The following TG variants were observed in gnomAD, a reference collection of about 807,000 sequenced individuals.
TG encodes thyroglobulin.
TG carries 270 observed loss-of-function variants against 324.7 expected under a neutral mutation model. The ratio of observed to expected loss-of-function variants is 0.83; its 90% CI spans 0.75 to 0.92. The LOEUF (loss-of-function observed/expected upper bound fraction) is 0.92, where lower values mean the gene tolerates loss of function less well. TG is among the 40% of genes least tolerant of loss of function. The probability of loss-of-function intolerance (pLI) is 0.00; values close to 1 mark genes in which losing one functional copy is unlikely to be tolerated. For missense variants in TG, 3,591 were observed against 3,456.4 expected, an observed-to-expected ratio of 1.04 and a Z score of -0.98; for synonymous variants, 1,401 against 1,327.0, an observed-to-expected ratio of 1.06 and a Z score of -1.21.
chr8:132,909,442 G>C (rs1278160665), intron 18 of TG, among the ~76,000 whole-genome samples: 8 of 152,164 alleles, frequency 5.3e-5, no homozygotes, highest in African/African-American at 1.4e-4. Context: ...GAATCCAGGG[G>C]ACTAGAGAGC....
At chr8:133,049,315 TG>T (rs1840004465) in intron 41 of TG, 5 of 372,900 alleles carry the variant, frequency 1.3e-5, no homozygotes, top group Non-Finnish European at 2.1e-5. Flanking sequence ...TGTGTGTTTC[TG>T]GATAGGTATT....
chr8:132,892,983 TTGTG>T (rs1272382126), intron 10 of TG, among the ~76,000 whole-genome samples: 1 of 144,790 alleles, frequency 6.9e-6, no homozygotes, highest in African/African-American at 2.6e-5. Context: ...ATGTGTGTGG[TTGTG>T]TGTATGGTGT....
Position 132,966,454 on chromosome 8 carries a change from CTG to C in TG, c.5549-104_5549-103del, listed in dbSNP as rs1828569734. The C allele has an allele frequency of 1.1e-5, 14 of 1,277,800 alleles. No individual in the cohort carries two copies. In the South Asian group the frequency reaches 1.6e-4, roughly 15 times the overall value. 79.2% of individuals were successfully genotyped at this position (1,277,800 alleles called of 1,614,324 possible). ...TCTCTATCTCTGACACTTTCTCTCT[CTG>C]TCTCTCTCTCTGTGTGTGTGTGTGT... On this transcript the variant is annotated intron_variant, in intron 29 of 47. Transcript: ENST00000220616.
intron 8 of TG, among the ~76,000 whole-genome samples, chr8:132,884,564 A>G (rs1287501963): frequency 6.6e-6 from 1 of 152,204 alleles, no homozygotes; most frequent in Non-Finnish European, 1.5e-5. Flanking sequence ...ATGTGGTTAT[A>G]TTCTATCTGC....
intron 37 of TG, among the ~76,000 whole-genome samples, chr8:133,015,500 C>T (rs981286135): frequency 1.3e-5 from 2 of 152,142 alleles, no homozygotes; most frequent in East Asian, 3.8e-4. Context: ...TAACATTTTC[C>T]CCGTGTTTGA....
intron 41 of TG, among the ~76,000 whole-genome samples, chr8:133,088,082 A>G (rs929130470): frequency 5.9e-5 from 9 of 152,366 alleles, no homozygotes; most frequent in Admixed American, 4.6e-4. Context: ...AAAGGAGCCA[A>G]TAGAGGCGAG....
intron 5 of TG, among the ~76,000 whole-genome samples, chr8:132,875,065 C>T (rs1201110283): frequency 1.3e-5 from 2 of 152,254 alleles, no homozygotes; most frequent in South Asian, 2.1e-4. Flanking sequence ...TGTTCCCATC[C>T]GTCAAATGGA....
At chr8:133,013,897 A>T in intron 37 of TG, 133 bp downstream of exon 37, 1 of 1,062,640 alleles carries the variant, frequency 9.4e-7, no homozygotes, top group East Asian at 2.6e-5. Context: ...CACTCACTTG[A>T]GGTAGACTGA....
In TG at chr8:132,868,162, G is replaced by C; in HGVS notation, c.115G>C (p.Glu39Gln). 6.2e-7 allele frequency: 1 copy of C among 1,614,176 alleles called. No homozygotes were observed. Among genetic ancestry groups the C allele is most frequent in the Non-Finnish European group, 8.5e-7 (1 of 1,180,046 alleles). The part of the protein sequence containing the change: ...QPLRPCELQR[E>Q]TAFLKQADYV... Reference sequence around the variant, plus strand: ...CCTTCGTCCCTGTGAGCTGCAGAGGGAAACGGCCTTTCTGAAGCAAGCAGA... The same window carrying C: ...CCTTCGTCCCTGTGAGCTGCAGAGGCAAACGGCCTTTCTGAAGCAAGCAGA... Residue 39 changes from glutamate to glutamine, a missense_variant, in exon 2 of 48, where the codon GAA (glutamate) becomes CAA (glutamine). Physicochemically the swap from Glu to Gln is conservative, Grantham distance 29 (BLOSUM62 2). Coordinates refer to ENST00000220616, the MANE Select transcript of TG (RefSeq NM_003235.5).
rs776207162 is a variant in TG, at chr8:133,095,112, G to C, written c.7308G>C (p.Leu2436Phe). The part of the protein sequence containing the change: ...HERAQQQAIA[L>F]AKEVSCPMSS... ...GGGCTCAGCAGCAGGCAATTGCTTT[G>C]GCAAAGGAGGTCAGTTGCCCCATGT... Residue 2436 changes from leucine (L) to phenylalanine (F), a missense_variant, in exon 42 of 48, where the codon TTG becomes TTC. Leu to Phe is a conservative substitution (Grantham distance 22). Transcript: ENST00000220616. The C allele has an allele frequency of 6.2e-7, 1 of 1,614,188 alleles. No individual in the cohort carries two copies. Among genetic ancestry groups the C allele is most frequent in the African/African-American group, 1.3e-5 (1 of 75,040 alleles).
chr8:132,917,009 CCCTT>C (rs1563951640), intron 20 of TG, among the ~76,000 whole-genome samples: 1 of 96,268 alleles, frequency 1.0e-5, no homozygotes, highest in Non-Finnish European at 2.3e-5. Context: ...AACCCTCCCT[CCCTT>C]CCTCCCTCCA....
intron 10 of TG, among the ~76,000 whole-genome samples, chr8:132,892,689 G>A (rs1011717746): frequency 6.6e-6 from 1 of 151,742 alleles, no homozygotes; most frequent in Non-Finnish European, 1.5e-5. Context: ...GGGTGTTTAT[G>A]TATGTGTGTG....
At chr8:133,089,960 A>G (rs1847230610) in intron 41 of TG, 1 of 152,016 alleles carries the variant, frequency 6.6e-6, no homozygotes, top group African/African-American at 2.4e-5. Flanking sequence ...CTGAATTCCC[A>G]AAGTGCAAGA....
In TG at chr8:133,116,684, G is replaced by C; in HGVS notation, c.7830G>C (p.Met2610Ile). ...AGAGGGCCCGAGGAAACGTCTTCAT[G>C]TACCATGCTCCTGAAAACTACGGCC... ...WAKRARGNVFMYHAPENYGHG... is the reference protein window; with the variant it reads ...WAKRARGNVFIYHAPENYGHG... The change falls in exon 45 of 48, where the codon ATG becomes ATC. Residue 2610 changes from methionine to isoleucine, a missense_variant. Transcript: ENST00000220616. The C allele has an allele frequency of 6.2e-7, 1 of 1,614,250 alleles. No individual in the cohort carries two copies. Among genetic ancestry groups the C allele is most frequent in the Non-Finnish European group, 8.5e-7 (1 of 1,180,048 alleles).
chr8:133,014,169 G>A (rs1418634714), intron 37 of TG, among the ~76,000 whole-genome samples: 1 of 152,166 alleles, frequency 6.6e-6, no homozygotes, highest in African/African-American at 2.4e-5. Context: ...AGTTAATTCT[G>A]TGATTTCACA....
At chr8:133,134,367 G>A (rs7812835) in intron 47 of TG, among the ~76,000 whole-genome samples, 6,371 of 152,234 alleles carry the variant, frequency 0.042, 417 homozygotes, top group African/African-American at 0.15. Flanking sequence ...CAGATACAGA[G>A]AAATGGGAGT....
chr8:132,952,325 G>T (rs138479272), intron 27 of TG, among the ~76,000 whole-genome samples: 2 of 152,200 alleles, frequency 1.3e-5, no homozygotes, highest in Admixed American at 1.3e-4. Flanking sequence ...CTGGGATTGA[G>T]CCTGGCTTTT....
In TG at chr8:133,048,762, C is replaced by T. The variant is rs115708073; in HGVS notation, c.7239+18739C>T. 1.5e-3 allele frequency: 240 copies of T among 161,376 alleles called. 1 individual carries two copies. Among genetic ancestry groups the T allele is most frequent in the African/African-American group, 5.5e-3 (231 of 41,730 alleles). 10.0% of individuals were successfully genotyped at this position (161,376 alleles called of 1,614,324 possible). ...CATCTCTTTCAGAACGTGACTCCCA[C>T]GGCAGCTCCTGCTTCAGTTTTGTTT... On this transcript the variant is annotated intron_variant, in intron 41 of 47. Coordinates refer to ENST00000220616, the MANE Select transcript of TG (RefSeq NM_003235.5).
At chr8:133,079,189 G>T (rs1224544886) in intron 41 of TG, among the ~76,000 whole-genome samples, 2 of 152,196 alleles carry the variant, frequency 1.3e-5, no homozygotes, top group Non-Finnish European at 2.9e-5. Context: ...CTGGCCGAAT[G>T]ACACTGTCAG....
Sources: gnomAD v4.1 joint callset for allele counts (sites outside exome capture counted in the v4.1 genomes callset) on GRCh38, gnomAD v4.1.1 for gene constraint, MANE v1.5 for transcripts, NCBI Gene and HGNC (gene_info 2026-07-23, HGNC 2026-07-21) for gene names.